ANKS1A: variants seen among roughly 807,000 people sequenced by gnomAD.
ANKS1A encodes ankyrin repeat and sterile alpha motif domain containing 1A, also known as ankyrin repeat and SAM domain-containing protein 1A.
In ANKS1A, 55 loss-of-function variants were observed where a neutral mutation model predicts 120.3. That is an observed-to-expected ratio of 0.46 (90% confidence interval 0.37 to 0.57). The LOEUF is 0.57. ANKS1A is among the 20% of genes least tolerant of loss of function. The probability of loss-of-function intolerance (pLI) is 0.00; values close to 1 mark genes in which losing one functional copy is unlikely to be tolerated. For missense variants in ANKS1A, 1,123 were observed against 1,480.3 expected (o/e 0.76, Z 3.96); for synonymous variants, 590 against 604.7 (o/e 0.98, Z 0.36).
At position 35,090,830 on chromosome 6, in the gene ANKS1A, T is replaced by TA; in HGVS notation, c.*2222dup. 2 of 985,902 alleles carry TA rather than the reference T, an allele frequency of 2.0e-6. No homozygotes were observed. Among genetic ancestry groups the TA allele is most frequent in the Non-Finnish European group, 2.4e-6 (2 of 830,332 alleles). 61.1% of individuals were successfully genotyped at this position (985,902 alleles called of 1,614,324 possible). A position where few individuals can be genotyped will look rare whatever the true frequency, so the allele number is the denominator to read the frequency against. ...GGTGGGAGACTTCAGATGGGCTCAG[T>TA]ACCTGTCCCAGCCACAGGCTTCTTG... is the stretch of plus-strand genomic sequence containing the variant. On this transcript the variant is annotated 3_prime_UTR_variant, in exon 24 of 24. Coordinates refer to ENST00000360359, the MANE Select transcript of ANKS1A (RefSeq NM_015245.3).
downstream of ANKS1A, among the ~76,000 whole-genome samples, chr6:35,095,141 C>CAAAAA: frequency 1.2e-5 from 1 of 81,224 alleles, no homozygotes; most frequent in South Asian, 5.2e-4. Context: ...ACCCCCATCT[C>CAAAAA]AAAAAAAAAA....
chr6:34,904,788 GATTTT>G (rs916631757), intron 1 of ANKS1A, among the ~76,000 whole-genome samples: 2 of 152,098 alleles, frequency 1.3e-5, no homozygotes, highest in African/African-American at 4.8e-5. Flanking sequence ...ATCTGATTCT[GATTTT>G]CTTTTCTTTT....
At chr6:34,936,877 T>C (rs1255897770) in intron 1 of ANKS1A, among the ~76,000 whole-genome samples, 2 of 152,232 alleles carry the variant, frequency 1.3e-5, no homozygotes, top group Non-Finnish European at 2.9e-5. Context: ...TTAAAACTGA[T>C]ATGTAGCTTC....
intron 23 of ANKS1A, among the ~76,000 whole-genome samples, chr6:35,088,190 G>T (rs765193735): frequency 1.3e-5 from 2 of 152,244 alleles, no homozygotes; most frequent in African/African-American, 4.8e-5. Flanking sequence ...CCGTCCCATC[G>T]CAGCAGCTCA....
In ANKS1A at chr6:35,081,029, G is replaced by A. The variant is rs371574315; in HGVS notation, c.2580G>A (p.Leu860=). 6 of 1,613,918 alleles carry A rather than the reference G, an allele frequency of 3.7e-6. No individual in the cohort carries two copies. Among genetic ancestry groups the A allele is most frequent in the Non-Finnish European group, 4.2e-6 (5 of 1,179,962 alleles). Residue 860 remains leucine, a synonymous_variant, in exon 17 of 24, where the codon CTG becomes CTA. Coordinates refer to ENST00000360359, the MANE Select transcript of ANKS1A (RefSeq NM_015245.3). ...QDLLSQTSSP[L]SQNDSCTGRS... is the part of the protein sequence containing the mutation. ...TGCTCTCCCAGACGTCATCCCCACT[G>A]AGTCAGAATGATTCCTGCACTGGGC...
Position 35,091,019 on chromosome 6 carries a change from C to T in ANKS1A, c.*2410C>T, listed in dbSNP as rs1778277185. 1.0e-6 allele frequency: 1 copy of T among 985,884 alleles called. No individual in the cohort carries two copies. Among genetic ancestry groups the T allele is most frequent in the Non-Finnish European group, 1.2e-6 (1 of 829,946 alleles). The allele number at this position is 985,884 out of a possible 1,614,324, so 61.1% of individuals were successfully genotyped here. ...AGCAGGGAGCAGGCAGAGCTGCAGT[C>T]AGAGACATTAGAAAACCAGTCTGAA... On this transcript the variant is annotated 3_prime_UTR_variant, in exon 24 of 24. Coordinates refer to ENST00000360359, the MANE Select transcript of ANKS1A (RefSeq NM_015245.3).
At chr6:34,901,318 G>T (rs1319911229) in intron 1 of ANKS1A, among the ~76,000 whole-genome samples, 1 of 151,898 alleles carries the variant, frequency 6.6e-6, no homozygotes, top group African/African-American at 2.4e-5. Context: ...TTTTCAGACA[G>T]TATTATCTGG....
intron 13 of ANKS1A, among the ~76,000 whole-genome samples, chr6:35,061,449 G>A (rs753915319): frequency 3.9e-4 from 60 of 152,210 alleles, no homozygotes; most frequent in Admixed American, 7.9e-4. Flanking sequence ...GAGTCAGCAT[G>A]CAGCTCGCAC....
intron 1 of ANKS1A, among the ~76,000 whole-genome samples, chr6:34,961,586 C>T (rs1770643444): frequency 6.6e-6 from 1 of 152,104 alleles, no homozygotes; most frequent in Non-Finnish European, 1.5e-5. Flanking sequence ...ACTTAATCAC[C>T]TTTAAACCAG....
intron 8 of ANKS1A, among the ~76,000 whole-genome samples, chr6:34,987,122 T>G (rs1772254401): frequency 6.6e-6 from 1 of 152,176 alleles, no homozygotes; most frequent in East Asian, 1.9e-4. Context: ...TACTTGTGTA[T>G]GTTGTGGCTG....
At position 35,082,433 on chromosome 6, in the gene ANKS1A, C is replaced by T. The variant is rs1167108740; in HGVS notation, c.2710-258C>T. On this transcript the variant is annotated intron_variant, in intron 17 of 23. Coordinates refer to ENST00000360359, the MANE Select transcript of ANKS1A (RefSeq NM_015245.3). This position sits in a 1 kb window ranked among gnomAD's most constrained non-coding sequence, Gnocchi z 4.1. ...ATTTCCCATCTCCTTTGAGACTCAT[C>T]TCGGACACCACAGAGACTGTCCTTC... is the stretch of plus-strand genomic sequence containing the variant. 6.6e-6 allele frequency among the ~76,000 whole-genome samples: 1 copy of T among 152,104 alleles called. No homozygotes were observed. The highest frequency in any genetic ancestry group is 6.5e-5 in the Admixed American group (1 of 15,278).
rs1350588426 is a variant in ANKS1A, at chr6:34,889,466, C to T, written c.64C>T (p.Leu22=). 1.6e-6 allele frequency: 2 copies of T among 1,287,964 alleles called. No homozygotes were observed. The highest frequency in any genetic ancestry group is 2.0e-6 in the Non-Finnish European group (2 of 1,022,564). The allele number at this position is 1,287,964 out of a possible 1,614,324, so 79.8% of individuals were successfully genotyped here. A position where few individuals can be genotyped will look rare whatever the true frequency, so the allele number is the denominator to read the frequency against. Residue 22 remains leucine (L), a synonymous_variant, in exon 1 of 24, where the codon CTG becomes TTG. Transcript: ENST00000360359. This position sits in a 1 kb window ranked among gnomAD's most constrained non-coding sequence, Gnocchi z 5.5. ...RTGHLPAVEK[L]LSGKRLSSGF... is the part of the protein sequence containing the mutation. ...CGGGCACCTCCCGGCGGTGGAGAAG[C>T]TGCTGTCCGGGAAGCGGCTCTCCTC...
chr6:35,078,712 A>G (rs930700905), intron 14 of ANKS1A, 56 bp downstream of exon 14: 3 of 1,511,748 alleles, frequency 2.0e-6, no homozygotes, highest in Non-Finnish European at 2.7e-6. Context: ...CCACCTCCCT[A>G]GCACCACCTG....
intron 1 of ANKS1A, among the ~76,000 whole-genome samples, chr6:34,916,909 C>G (rs114083766): frequency 0.011 from 1,690 of 152,324 alleles, 11 homozygotes; most frequent in Non-Finnish European, 0.016. Context: ...GCTACTTGTT[C>G]TTTAAGGCGG....
rs766718640 is a variant in ANKS1A at position 35,058,800 on chromosome 6, G to C, written c.2078-1347G>C. The C allele has an allele frequency of 6.6e-6, 1 of 152,148 alleles. No individual in the cohort carries two copies. Among genetic ancestry groups the C allele is most frequent in the Non-Finnish European group, 1.5e-5 (1 of 68,044 alleles). 9.4% of individuals were successfully genotyped at this position (152,148 alleles called of 1,614,324 possible). On this transcript the variant is annotated intron_variant, in intron 12 of 23. Transcript: ENST00000360359. This position sits in a 1 kb window ranked among gnomAD's most constrained non-coding sequence, Gnocchi z 5.1. ...ATCAGAGAAGTAGGTTGGGGTTCAG[G>C]CATCCAGCTCAGAACATCCAAGGTC...
rs1775977502 is a variant in ANKS1A, at chr6:35,051,698, G to C, written c.2011-2401G>C. On this transcript the variant is annotated intron_variant, in intron 11 of 23. Transcript: ENST00000360359. ...GTGTCTACAGTGTTAAGCTCTGCGT[G>C]TGAGTAGAATAGAATGCGGAGAGGC... is the stretch of plus-strand genomic sequence containing the variant. 2.0e-5 allele frequency among the ~76,000 whole-genome samples: 3 copies of C among 152,246 alleles called. 1 individual carries two copies. The South Asian group carries it at 6.2e-4, about 31-fold the overall frequency.
intron 10 of ANKS1A, among the ~76,000 whole-genome samples, chr6:34,998,949 A>G (rs991116793): frequency 6.6e-6 from 1 of 152,206 alleles, no homozygotes; most frequent in African/African-American, 2.4e-5. Flanking sequence ...AACCAGCCAA[A>G]GCAACGCGGA....
intron 16 of ANKS1A, among the ~76,000 whole-genome samples, chr6:35,080,647 T>G (rs935172149): frequency 1.6e-4 from 25 of 152,198 alleles, no homozygotes; most frequent in African/African-American, 6.0e-4. Flanking sequence ...AAGCCAGGAT[T>G]GTATTCTGTT....
chr6:34,965,134 G>A (rs1422481841), intron 1 of ANKS1A, among the ~76,000 whole-genome samples: 1 of 152,138 alleles, frequency 6.6e-6, no homozygotes, highest in Non-Finnish European at 1.5e-5. Context: ...ACAGGAGGTA[G>A]AGTAAACTTG....
Sources: gnomAD v4.1 joint callset for allele counts (sites outside exome capture counted in the v4.1 genomes callset) on GRCh38, gnomAD v4.1.1 for gene constraint, Gnocchi (gnomAD v3.1) non-coding constraint, MANE v1.5 for transcripts, NCBI Gene and HGNC (gene_info 2026-07-23, HGNC 2026-07-21) for gene names.